ABCB1: variants seen among roughly 807,000 people sequenced by gnomAD.
ABCB1 encodes the protein ATP binding cassette subfamily B member 1, also known as ATP-dependent translocase ABCB1.
ABCB1 carries 69 observed loss-of-function variants against 142.0 expected under a neutral mutation model. The observed-to-expected ratio is 0.49, with a 90% CI of 0.40 to 0.59. ABCB1 has a LOEUF of 0.59. ABCB1 is among the 20% of genes least tolerant of loss of function. The pLI is 0.00. For synonymous variants in ABCB1, 532 were observed against 539.2 expected (o/e 0.99, Z 0.18); for missense variants, 1,326 against 1,554.7 (o/e 0.85, Z 2.47).
At chr7:87,541,236 T>G (rs1816519273) in intron 18 of ABCB1, 121 bp downstream of exon 18, 2 of 712,552 alleles carry the variant, frequency 2.8e-6, no homozygotes, top group Non-Finnish European at 4.8e-6. Context: ...ACTTGGCTGT[T>G]AGTAGCCATG....
chr7:87,598,407 G>A (rs144382443), intron 2 of ABCB1, among the ~76,000 whole-genome samples: 3 of 152,298 alleles, frequency 2.0e-5, no homozygotes, highest in Admixed American at 2.0e-4. Context: ...ATTTACTACA[G>A]TCCATTCTAC....
intron 1 of ABCB1, among the ~76,000 whole-genome samples, chr7:87,690,143 G>C (rs977150460): frequency 4.0e-5 from 6 of 151,698 alleles, no homozygotes; most frequent in African/African-American, 1.5e-4. Context: ...AGATTTCTTG[G>C]TATAAGAACC....
chr7:87,624,836 G>A (rs1395801296), intron 1 of ABCB1, among the ~76,000 whole-genome samples: 1 of 152,180 alleles, frequency 6.6e-6, no homozygotes, highest in African/African-American at 2.4e-5. Flanking sequence ...CCATGTGGCA[G>A]TGTAATGACA....
chr7:87,665,587 A>G (rs1825143255), intron 1 of ABCB1, among the ~76,000 whole-genome samples: 1 of 152,058 alleles, frequency 6.6e-6, no homozygotes, highest in African/African-American at 2.4e-5. Context: ...CAGGTTTGTC[A>G]TCTAGGTAAA....
At position 87,504,263 on chromosome 7, in the gene ABCB1, C is replaced by G. The variant is rs1321813708; in HGVS notation, c.3823G>C (p.Ala1275Pro). 4 of 1,613,976 alleles carry G rather than the reference C, an allele frequency of 2.5e-6. No homozygotes were observed. Among genetic ancestry groups the G allele is most frequent in the Non-Finnish European group, 3.4e-6 (4 of 1,180,020 alleles). ...AGAGTTCACTGGCGCTTTGTTCCAGCCTGGACACTGACCATTGAAAAATAG... is the reference window on the plus strand; with the variant it reads ...AGAGTTCACTGGCGCTTTGTTCCAGGCTGGACACTGACCATTGAAAAATAG... ...GIYFSMVSVQ[A>P]GTKRQ Residue 1275 changes from alanine (A) to proline (P), a missense_variant, in exon 28 of 28, where the codon GCT becomes CCT. Coordinates refer to ENST00000622132, the MANE Select transcript of ABCB1 (RefSeq NM_001348946.2).
intron 1 of ABCB1, chr7:87,629,363 T>G (rs1285144191): frequency 1.9e-5 from 3 of 159,738 alleles, no homozygotes; most frequent in Non-Finnish European, 4.1e-5. Flanking sequence ...CATTTCGTTG[T>G]TTTGGCTTGT....
chr7:87,654,346 ATT>A (rs201077264), intron 1 of ABCB1, among the ~76,000 whole-genome samples: 2,361 of 152,234 alleles, frequency 0.016, 39 homozygotes, highest in South Asian at 0.023. Context: ...GCAAAGCTAT[ATT>A]AGTTAAAACA....
At chr7:87,530,055 A>C (rs1003930472) in intron 21 of ABCB1, among the ~76,000 whole-genome samples, 1 of 152,236 alleles carries the variant, frequency 6.6e-6, no homozygotes, top group African/African-American at 2.4e-5. Context: ...AAAGAGTCTG[A>C]AGAGATAGCA....
At chr7:87,707,385 G>A (rs1221082714) in intron 1 of ABCB1, among the ~76,000 whole-genome samples, 2 of 152,094 alleles carry the variant, frequency 1.3e-5, no homozygotes, top group Non-Finnish European at 2.9e-5. Context: ...ATTGGAATAT[G>A]TTAAAATTCA....
chr7:87,591,607 G>A (rs982094636), intron 3 of ABCB1, among the ~76,000 whole-genome samples: 9 of 152,064 alleles, frequency 5.9e-5, no homozygotes, highest in Admixed American at 2.0e-4. Context: ...AGAGAATGTT[G>A]AGACTTATTT....
intron 1 of ABCB1, among the ~76,000 whole-genome samples, chr7:87,632,613 G>A (rs895830992): frequency 4.6e-5 from 7 of 151,998 alleles, no homozygotes; most frequent in Non-Finnish European, 1.0e-4. Flanking sequence ...ATTCTCTATC[G>A]TTTAGAACTT....
chr7:87,548,077 A>G (rs1291734709), intron 14 of ABCB1, among the ~76,000 whole-genome samples: 1 of 136,712 alleles, frequency 7.3e-6, no homozygotes, highest in Non-Finnish European at 1.6e-5. Context: ...GGAAGAGAAG[A>G]GAAGAGAAAA....
chr7:87,570,139 A>G (rs1340430005), intron 5 of ABCB1, 33 bp downstream of exon 5: 2 of 1,594,348 alleles, frequency 1.3e-6, no homozygotes, highest in South Asian at 2.2e-5. Flanking sequence ...AATATAGAAA[A>G]ACTTAACAAT....
At chr7:87,557,358 G>A (rs1159509535) in intron 8 of ABCB1, among the ~76,000 whole-genome samples, 1 of 152,188 alleles carries the variant, frequency 6.6e-6, no homozygotes, top group Non-Finnish European at 1.5e-5. Flanking sequence ...TGCCTGGCAT[G>A]TTGTAGGTGC....
chr7:87,604,956 A>G (rs1350039282), upstream of ABCB1, among the ~76,000 whole-genome samples: 1 of 152,224 alleles, frequency 6.6e-6, no homozygotes, highest in African/African-American at 2.4e-5. Flanking sequence ...AATTTTTTAA[A>G]TATTCAAACT....
intron 3 of ABCB1, among the ~76,000 whole-genome samples, chr7:87,592,372 T>C (rs1394747169): frequency 1.3e-5 from 2 of 152,186 alleles, no homozygotes; most frequent in Non-Finnish European, 2.9e-5. Context: ...CAGACACAGG[T>C]AGGTTTTTAT....
Position 87,623,874 on chromosome 7 carries a change from C to G in ABCB1, c.-330-22796G>C, listed in dbSNP as rs946080215. On this transcript the variant is annotated intron_variant, in intron 1 of 28. Coordinates refer to the ABCB1 transcript ENST00000265724. Reference sequence around the variant, plus strand: ...TGATAGCAATAAAACACCAATGTCCCTCTGTTCAATATTCCCCCATACCAC... The same window carrying G: ...TGATAGCAATAAAACACCAATGTCCGTCTGTTCAATATTCCCCCATACCAC... Among the ~76,000 whole-genome samples, 3 of 152,096 alleles carry G rather than the reference C, an allele frequency of 2.0e-5. No homozygotes were observed. In the South Asian group the frequency reaches 6.2e-4, roughly 32 times the overall value.
At chr7:87,616,165 G>C (rs1820026038) in intron 1 of ABCB1, among the ~76,000 whole-genome samples, 1 of 152,004 alleles carries the variant, frequency 6.6e-6, no homozygotes, top group Admixed American at 6.6e-5. Context: ...ATCCAAAATG[G>C]TATTGTCTAT....
chr7:87,583,736 G>T (rs2129916122), intron 4 of ABCB1, among the ~76,000 whole-genome samples: 2 of 152,146 alleles, frequency 1.3e-5, no homozygotes, highest in Middle Eastern at 3.4e-3. Context: ...TAGTCCATTT[G>T]GGATGATATA....
Sources: allele counts gnomAD v4.1 joint callset (sites outside exome capture counted in the v4.1 genomes callset), GRCh38; gene constraint gnomAD v4.1.1; transcripts MANE v1.5; gene names NCBI Gene and HGNC (gene_info 2026-07-23, HGNC 2026-07-21).